Variants in CD99L2 observed in about 807,000 individuals in gnomAD.
CD99L2 encodes the protein CD99 molecule like 2.
CD99L2 carries 24 observed loss-of-function variants against 27.3 expected under a neutral mutation model. The observed-to-expected ratio is 0.88, with a 90% CI of 0.64 to 1.24. CD99L2 has a LOEUF of 1.24. Ranked by LOEUF, CD99L2 falls within the 50% of genes most tolerant of loss-of-function variation. The pLI, the probability that CD99L2 is intolerant of heterozygous loss-of-function variation, is 0.00. For missense variants in CD99L2, 255 were observed against 221.6 expected (o/e 1.15, Z -0.96); for synonymous variants, 97 against 87.9 (o/e 1.10, Z -0.58).
chrX:150,854,718 A>C (rs938279897), intron 1 of CD99L2, among the ~76,000 whole-genome samples: 1 of 111,128 alleles, frequency 9.0e-6, no homozygotes, highest in Non-Finnish European at 1.9e-5. Flanking sequence ...GCGGCCTGGA[A>C]CAGATTCTGT....
chrX:150,869,971 G>A, intron 1 of CD99L2, among the ~76,000 whole-genome samples: 1 of 111,237 alleles, frequency 9.0e-6, no homozygotes, highest in Non-Finnish European at 1.9e-5. Flanking sequence ...GATTTCATAA[G>A]TATTAATCAG....
At chrX:150,815,918 TA>T (rs1255628124) in intron 3 of CD99L2, 88 bp downstream of exon 3, 46 of 927,523 alleles carry the variant, frequency 5.0e-5, no homozygotes, top group Non-Finnish European at 7.2e-5. Context: ...ACATGGGGCT[TA>T]AAACTGTAGG....
chrX:150,867,077 G>A lies in CD99L2; in HGVS notation c.67+31445C>T, dbSNP rs782147488. On this transcript the variant is annotated intron_variant, in intron 1 of 10. Transcript: ENST00000370377. ...TCCTAATTACTGTATGTTTACTGAA[G>A]ACATTCCTTTTTTACTTTTATTTTT... Among the ~76,000 whole-genome samples, 264 of 111,611 alleles carry A rather than the reference G, an allele frequency of 2.4e-3. 1 individual carries two copies. Among genetic ancestry groups the A allele is most frequent in the African/African-American group, 7.9e-3 (244 of 30,718 alleles).
chrX:150,889,891 G>A (rs1483404516), intron 1 of CD99L2, among the ~76,000 whole-genome samples: 1 of 112,162 alleles, frequency 8.9e-6, no homozygotes, highest in East Asian at 2.8e-4. Context: ...GGTGGCTCAC[G>A]CCTGTAATCC....
At chrX:150,775,905 C>T (rs1480494310) in intron 9 of CD99L2, among the ~76,000 whole-genome samples, 1 of 112,358 alleles carries the variant, frequency 8.9e-6, no homozygotes, top group Non-Finnish European at 1.9e-5. Context: ...AGCTCTGTCC[C>T]CACAGAAATA....
chrX:150,841,503 C>T (rs902665209), intron 1 of CD99L2, among the ~76,000 whole-genome samples: 1 of 111,699 alleles, frequency 9.0e-6, no homozygotes, highest in Admixed American at 9.5e-5. Flanking sequence ...CTACATCAAT[C>T]CCTCCAAAGC....
chrX:150,860,316 CGTT>C (rs1569566095), intron 1 of CD99L2, among the ~76,000 whole-genome samples: 2 of 147 alleles, frequency 0.014, no homozygotes, highest in Non-Finnish European at 0.029. Context: ...AAGAAACATA[CGTT>C]CAAAATACTA....
At chrX:150,793,828 G>A in intron 6 of CD99L2, 72 bp from the exon 7 acceptor site, 2 of 878,137 alleles carry the variant, frequency 2.3e-6, no homozygotes, top group East Asian at 3.3e-5. Context: ...TGCTAATGTT[G>A]CCCAAAATTC....
intron 1 of CD99L2, among the ~76,000 whole-genome samples, chrX:150,859,915 C>T (rs1197105814): frequency 9.0e-6 from 1 of 111,257 alleles, no homozygotes; most frequent in Non-Finnish European, 1.9e-5. Context: ...AAAGAACTAA[C>T]AGTAATCCTC....
At chrX:150,815,330 CT>C (rs1355885254) in intron 3 of CD99L2, among the ~76,000 whole-genome samples, 1 of 111,886 alleles carries the variant, frequency 8.9e-6, no homozygotes, top group Non-Finnish European at 1.9e-5. Context: ...TGAAGCACCC[CT>C]TTGAATGTGG....
intron 10 of CD99L2, 141 bp downstream of exon 10, chrX:150,770,163 C>T (rs1388773076): frequency 5.6e-6 from 3 of 532,398 alleles, no homozygotes; most frequent in South Asian, 3.3e-5. Flanking sequence ...GAGGCAGGCT[C>T]ATCAGGGCAG....
intron 1 of CD99L2, among the ~76,000 whole-genome samples, chrX:150,896,540 A>G (rs1159917152): frequency 2.7e-5 from 3 of 112,516 alleles, no homozygotes; most frequent in African/African-American, 9.7e-5. Context: ...GATAATATCT[A>G]GCCTGCAAAA....
chrX:150,790,378 C>A (rs895647030), intron 7 of CD99L2, among the ~76,000 whole-genome samples: 1 of 109,894 alleles, frequency 9.1e-6, no homozygotes, highest in Non-Finnish European at 1.9e-5. Flanking sequence ...AACAAAACAT[C>A]AACCAGGTGG....
chrX:150,873,465 T>C (rs1321313159), intron 1 of CD99L2, among the ~76,000 whole-genome samples: 3 of 112,153 alleles, frequency 2.7e-5, no homozygotes, highest in Non-Finnish European at 5.6e-5. Flanking sequence ...TTTGCAGTGA[T>C]GAAAGTGTTT....
At chrX:150,772,688 TGAG>T (rs1332175878) in intron 9 of CD99L2, among the ~76,000 whole-genome samples, 14 of 112,151 alleles carry the variant, frequency 1.2e-4, no homozygotes, top group African/African-American at 4.2e-4. Context: ...GGACGGGAGA[TGAG>T]GAGAAGACCT....
intron 4 of CD99L2, among the ~76,000 whole-genome samples, chrX:150,814,176 T>C (rs1017509475): frequency 1.6e-4 from 18 of 112,378 alleles, no homozygotes; most frequent in Non-Finnish European, 3.2e-4. Flanking sequence ...AAAAGATCCA[T>C]TGAAAGGACA....
At chrX:150,856,412 T>C in intron 1 of CD99L2, among the ~76,000 whole-genome samples, 1 of 111,855 alleles carries the variant, frequency 8.9e-6, no homozygotes, top group Admixed American at 9.4e-5. Flanking sequence ...TCAGCATGCT[T>C]GTTACATGAA....
At chrX:150,811,772 A>G (rs2046075464) in intron 4 of CD99L2, among the ~76,000 whole-genome samples, 1 of 112,175 alleles carries the variant, frequency 8.9e-6, no homozygotes, top group African/African-American at 3.2e-5. Flanking sequence ...ACAATTAGAC[A>G]TTCACAGGCA....
chrX:150,827,939 A>C, intron 2 of CD99L2, among the ~76,000 whole-genome samples: 1 of 111,898 alleles, frequency 8.9e-6, no homozygotes, highest in Non-Finnish European at 1.9e-5. Flanking sequence ...GTCAAAAATC[A>C]ACTGACCATA....
Sources: gnomAD v4.1 joint callset for allele counts (sites outside exome capture counted in the v4.1 genomes callset) on GRCh38, gnomAD v4.1.1 for gene constraint, MANE v1.5 for transcripts, NCBI Gene and HGNC (gene_info 2026-07-23, HGNC 2026-07-21) for gene names.